Variants in MTOR observed in about 807,000 individuals in gnomAD.
MTOR encodes serine/threonine-protein kinase mTOR.
A neutral mutation model predicts 319.8 loss-of-function variants in MTOR; 70 were observed. The ratio of observed to expected loss-of-function variants is 0.22; its 90% CI spans 0.18 to 0.27. The LOEUF is 0.27. MTOR is among the 10% of genes least tolerant of loss of function. The pLI is 1.00. For synonymous variants in MTOR, 1,183 were observed against 1,211.4 expected (o/e 0.98, Z 0.49); for missense variants, 1,890 against 3,274.4 (o/e 0.58, Z 10.32).
chr1:11,188,156 C>T (rs12122675), intron 28 of MTOR, among the ~76,000 whole-genome samples: 8,995 of 152,204 alleles, frequency 0.059, 378 homozygotes, highest in South Asian at 0.12. Flanking sequence ...AAGTAACTGC[C>T]TGAGTGGCTC....
chr1:11,149,602 G>A (rs1644064219), intron 31 of MTOR: 1 of 153,066 alleles, frequency 6.5e-6, no homozygotes, highest in Non-Finnish European at 1.5e-5. Flanking sequence ...CAAACCTGAG[G>A]AGGAGGGTTA....
At chr1:11,239,405 A>C (rs1456048773) in intron 11 of MTOR, among the ~76,000 whole-genome samples, 1 of 152,176 alleles carries the variant, frequency 6.6e-6, no homozygotes, top group African/African-American at 2.4e-5. Flanking sequence ...AAGTGGAGGA[A>C]CTGCAATAGA....
chr1:11,145,455 C>T (rs1431443259), intron 32 of MTOR, among the ~76,000 whole-genome samples: 1 of 152,076 alleles, frequency 6.6e-6, no homozygotes, highest in Admixed American at 6.5e-5. Context: ...TGGCTCACTG[C>T]AGTCTCCACC....
chr1:11,134,532 C>T, intron 36 of MTOR, 66 bp from the exon 37 acceptor site: 3 of 1,384,762 alleles, frequency 2.2e-6, no homozygotes, highest in South Asian at 2.3e-5. Flanking sequence ...AAGGGAGCTA[C>T]CGTTCATCTG....
chr1:11,200,546 G>GA (rs570426496), intron 26 of MTOR, among the ~76,000 whole-genome samples: 2 of 151,952 alleles, frequency 1.3e-5, no homozygotes, highest in Non-Finnish European at 2.9e-5. Context: ...AAGGAAATGG[G>GA]AAAAAACAGG....
Position 11,194,493 on chromosome 1 carries a change from T to C in MTOR, c.4253+4765A>G, listed in dbSNP as rs765202660. On this transcript the variant is annotated intron_variant, in intron 28 of 57. Transcript: ENST00000361445. ...AGGGCAACCTGCGCTACGCTGAGTA[T>C]AGCCACTTTGTTTTGGGCAATGAAC... The C allele has an allele frequency of 7.4e-6, 12 of 1,614,164 alleles. No individual in the cohort carries two copies. The Admixed American group carries it at 1.2e-4, about 16-fold the overall frequency.
At position 11,257,397 on chromosome 1, in the gene MTOR, A is replaced by G. The variant is rs565786630; in HGVS notation, c.272-232T>C. ...CTAAGATACAAAAAAAAAAAAAAAA[A>G]AAAGAAAACAAAAAAATTAGCCAGG... On this transcript the variant is annotated intron_variant, in intron 3 of 57. Coordinates refer to ENST00000361445, the MANE Select transcript of MTOR (RefSeq NM_004958.4). Among the ~76,000 whole-genome samples the G allele has an allele frequency of 3.2e-3, 486 of 150,670 alleles. 6 individuals are homozygous for G. The highest frequency in any genetic ancestry group is 4.3e-3 in the Non-Finnish European group (288 of 67,636).
chr1:11,153,790 C>T (rs981300713), intron 30 of MTOR, among the ~76,000 whole-genome samples: 3 of 151,884 alleles, frequency 2.0e-5, no homozygotes, highest in African/African-American at 4.8e-5. Context: ...GCCATAAGGC[C>T]GGATGCAGTG....
chr1:11,160,075 C>CATTTATTTACTT (rs1644428194), intron 29 of MTOR, among the ~76,000 whole-genome samples: 2 of 143,338 alleles, frequency 1.4e-5, no homozygotes, highest in Non-Finnish European at 3.0e-5. Flanking sequence ...TCAATTATAG[C>CATTTATTTACTT]ATTTATTTAT....
intron 31 of MTOR, among the ~76,000 whole-genome samples, chr1:11,148,609 A>C (rs1043112086): frequency 1.3e-5 from 2 of 152,122 alleles, no homozygotes; most frequent in Non-Finnish European, 2.9e-5. Context: ...TCTTTAAAAC[A>C]AAAAAATTAG....
rs183413341 is a variant in MTOR, at chr1:11,112,104, G to C, written c.7366+748C>G. Among the ~76,000 whole-genome samples, 711 of 152,278 alleles carry C rather than the reference G, an allele frequency of 4.7e-3. 1 individual carries two copies. Among genetic ancestry groups the C allele is most frequent in the Non-Finnish European group, 7.7e-3 (527 of 68,032 alleles). ...GGTTTCCACACACAAAAAGGACTCT[G>C]GCTCTCAGAGGGACACAAGTCTTCT... On this transcript the variant is annotated intron_variant, in intron 54 of 57. Transcript: ENST00000361445.
In MTOR at chr1:11,107,348, T is replaced by C. The variant is rs915022446; in HGVS notation, c.*137A>G. On this transcript the variant is annotated 3_prime_UTR_variant, in exon 58 of 58. Transcript: ENST00000361445. ...AGTTGGTTCAAACCAACTTTTAATA[T>C]ACAGTAGTTCTTTTCATTTACATTT... 1 of 1,529,324 alleles carries C rather than the reference T, an allele frequency of 6.5e-7. No homozygotes were observed. The highest frequency in any genetic ancestry group is 8.7e-7 in the Non-Finnish European group (1 of 1,144,238). The allele number at this position is 1,529,324 out of a possible 1,614,324, so 94.7% of individuals were successfully genotyped here.
At chr1:11,256,691 T>C (rs1248729131) in intron 4 of MTOR, among the ~76,000 whole-genome samples, 1 of 151,962 alleles carries the variant, frequency 6.6e-6, no homozygotes, top group Non-Finnish European at 1.5e-5. Flanking sequence ...CCGTGCCCCC[T>C]CCTCACAGTA....
intron 6 of MTOR, among the ~76,000 whole-genome samples, chr1:11,251,937 C>T (rs1440450263): frequency 1.3e-5 from 2 of 152,114 alleles, no homozygotes; most frequent in African/African-American, 4.8e-5. Context: ...CAGTGGAAAA[C>T]ATTATGTTAA....
chr1:11,185,799 T>C (rs1209484681), intron 28 of MTOR, among the ~76,000 whole-genome samples: 2 of 152,072 alleles, frequency 1.3e-5, no homozygotes, highest in East Asian at 3.9e-4. Context: ...GGCAGATATG[T>C]GGCCGGGCAT....
chr1:11,150,818 A>G (rs1246982730), intron 30 of MTOR, among the ~76,000 whole-genome samples: 1 of 152,166 alleles, frequency 6.6e-6, no homozygotes, highest in Non-Finnish European at 1.5e-5. Flanking sequence ...GGTGCTTAAG[A>G]CACCCCAATA....
rs368240956 is a variant in MTOR, at chr1:11,259,212, C to T, written c.162+36G>A. On this transcript the variant is annotated intron_variant, in intron 2 of 57. Coordinates refer to ENST00000361445, the MANE Select transcript of MTOR (RefSeq NM_004958.4). ...CCAGTGATGGTACATTTAGCCCACA[C>T]ATCCCACAATGACTGGCCCCAGATC... is the stretch of plus-strand genomic sequence containing the variant. 8.1e-6 allele frequency: 13 copies of T among 1,604,176 alleles called. No individual in the cohort carries two copies. The African/African-American group carries it at 1.6e-4, about 20-fold the overall frequency.
At chr1:11,208,314 T>C (rs1298471412) in intron 25 of MTOR, among the ~76,000 whole-genome samples, 5 of 152,290 alleles carry the variant, frequency 3.3e-5, no homozygotes, top group Non-Finnish European at 7.3e-5. Context: ...TTCTTAGCAG[T>C]GGTCACTTGA....
In MTOR at chr1:11,200,431, T is replaced by C. The variant is rs1645923457; in HGVS notation, c.3945-728A>G. On this transcript the variant is annotated intron_variant, in intron 26 of 57. Coordinates refer to ENST00000361445, the MANE Select transcript of MTOR (RefSeq NM_004958.4). Reference sequence around the variant, plus strand: ...CCAGAGGTTCCATTTCAAAGATTACTATGACCACTTTACATTACCACAGTA... The same window carrying C: ...CCAGAGGTTCCATTTCAAAGATTACCATGACCACTTTACATTACCACAGTA... Among the ~76,000 whole-genome samples, 9 of 152,308 alleles carry C rather than the reference T, an allele frequency of 5.9e-5. No homozygotes were observed. The South Asian group carries it at 1.9e-3, about 32-fold the overall frequency.
Sources: allele counts gnomAD v4.1 joint callset (sites outside exome capture counted in the v4.1 genomes callset), GRCh38; gene constraint gnomAD v4.1.1; transcripts MANE v1.5; gene names NCBI Gene and HGNC (gene_info 2026-07-23, HGNC 2026-07-21).